ADAMTSL1: variants seen among roughly 807,000 people sequenced by gnomAD.
ADAMTSL1 encodes ADAMTS-like protein 1.
In ADAMTSL1, 126 loss-of-function variants were observed where a neutral mutation model predicts 201.8. The ratio of observed to expected loss-of-function variants is 0.62; its 90% confidence interval spans 0.54 to 0.72. The LOEUF (loss-of-function observed/expected upper bound fraction) is 0.72, where lower values mean the gene tolerates loss of function less well. Ranked by LOEUF, ADAMTSL1 falls within the 30% of genes least tolerant of loss-of-function variation. The pLI is 0.00. For missense variants in ADAMTSL1, 2,679 were observed against 2,277.8 expected, an observed-to-expected ratio of 1.18 and a Z score of -3.59; for synonymous variants, 1,121 against 903.4, an observed-to-expected ratio of 1.24 and a Z score of -4.32.
At chr9:18,305,241 C>T (rs1833865032) in intron 2 of ADAMTSL1, among the ~76,000 whole-genome samples, 1 of 152,230 alleles carries the variant, frequency 6.6e-6, no homozygotes. Flanking sequence ...GCTGCCTACG[C>T]CACCAGGGTC....
chr9:18,498,410 C>G (rs1156522419), intron 1 of ADAMTSL1, among the ~76,000 whole-genome samples: 1 of 149,010 alleles, frequency 6.7e-6, no homozygotes, highest in Non-Finnish European at 1.5e-5. Context: ...GATCTCAGCT[C>G]ACTGCAACCT....
intron 3 of ADAMTSL1, among the ~76,000 whole-genome samples, chr9:18,569,729 C>T (rs1343325343): frequency 1.3e-5 from 2 of 152,124 alleles, no homozygotes; most frequent in South Asian, 2.1e-4. Context: ...TTGTCTCCAT[C>T]AATGCTTTCT....
At chr9:18,899,404 A>G (rs1023813402) in intron 26 of ADAMTSL1, among the ~76,000 whole-genome samples, 62 of 152,368 alleles carry the variant, frequency 4.1e-4, no homozygotes, top group African/African-American at 1.5e-3. Context: ...TGCTATTCCC[A>G]TTAAACTACC....
rs540336517 is a variant in ADAMTSL1, at chr9:18,178,198, G to C, written c.207+14217G>C. Reference sequence around the variant, plus strand: ...TGTGCGCGAGCCGAAGCAGGGCGAGGCATTGCCTCACTTGGGAAGCACAAG... The same window carrying C: ...TGTGCGCGAGCCGAAGCAGGGCGAGCCATTGCCTCACTTGGGAAGCACAAG... On this transcript the variant is annotated intron_variant, in intron 2 of 29. Transcript: ENST00000680146. Among the ~76,000 whole-genome samples, 3 of 152,220 alleles carry C rather than the reference G, an allele frequency of 2.0e-5. No individual in the cohort carries two copies. In the South Asian group the frequency reaches 6.2e-4, roughly 32 times the overall value.
At position 18,400,443 on chromosome 9, in the gene ADAMTSL1, T is replaced by C. The variant is rs112989739; in HGVS notation, c.208-104386T>C. Among the ~76,000 whole-genome samples the C allele has an allele frequency of 4.2e-3, 634 of 152,290 alleles. 3 individuals carry two copies. The highest frequency in any genetic ancestry group is 0.015 in the African/African-American group (610 of 41,562). ...TAAATTTTGGGGATCATTATCAAAC[T>C]TGGAAGGCCTTTACTATGTTTCGTT... On this transcript the variant is annotated intron_variant, in intron 2 of 29. Coordinates refer to the ADAMTSL1 transcript ENST00000680146.
chr9:18,709,656 G>A (rs188991714), intron 14 of ADAMTSL1, among the ~76,000 whole-genome samples: 8 of 152,248 alleles, frequency 5.3e-5, no homozygotes, highest in African/African-American at 1.9e-4. Flanking sequence ...AAGATCGAAC[G>A]CAAGCCTAAC....
intron 2 of ADAMTSL1, among the ~76,000 whole-genome samples, chr9:18,374,410 T>G (rs557943861): frequency 2.0e-5 from 3 of 152,134 alleles, no homozygotes; most frequent in Non-Finnish European, 2.9e-5. Context: ...CACCACTGTC[T>G]GCAGCCTTAA....
intron 2 of ADAMTSL1, among the ~76,000 whole-genome samples, chr9:18,216,170 T>C (rs894384165): frequency 6.6e-6 from 1 of 152,186 alleles, no homozygotes; most frequent in Non-Finnish European, 1.5e-5. Flanking sequence ...ATAATAAAAT[T>C]ACTAGGCTTG....
intron 3 of ADAMTSL1, among the ~76,000 whole-genome samples, chr9:18,535,643 G>A (rs772666628): frequency 4.6e-5 from 7 of 152,216 alleles, no homozygotes; most frequent in South Asian, 4.2e-4. Context: ...TGGGTAATTT[G>A]GAAAAAAGAG....
intron 1 of ADAMTSL1, among the ~76,000 whole-genome samples, chr9:18,102,322 A>G (rs559960925): frequency 1.3e-5 from 2 of 152,210 alleles, no homozygotes; most frequent in Non-Finnish European, 2.9e-5. Context: ...TGTGCTTAAT[A>G]TAAAAGTCTG....
chr9:18,782,060 T>C (rs969110398), intron 19 of ADAMTSL1, among the ~76,000 whole-genome samples: 1 of 152,164 alleles, frequency 6.6e-6, no homozygotes, highest in African/African-American at 2.4e-5. Context: ...GACTGGCTGG[T>C]TCATCATAAT....
chr9:18,321,792 C>A (rs10810956), intron 2 of ADAMTSL1, among the ~76,000 whole-genome samples: 2 of 151,752 alleles, frequency 1.3e-5, no homozygotes, highest in Admixed American at 6.6e-5. Flanking sequence ...GACTCCATGT[C>A]AAAAAAACCA....
chr9:18,856,064 A>T (rs138595325), intron 23 of ADAMTSL1, among the ~76,000 whole-genome samples: 2 of 152,310 alleles, frequency 1.3e-5, no homozygotes, highest in East Asian at 3.9e-4. Flanking sequence ...TCTTACTGAA[A>T]GGCATGTTCA....
intron 1 of ADAMTSL1, among the ~76,000 whole-genome samples, chr9:18,475,950 T>G (rs186853171): frequency 6.6e-6 from 1 of 152,310 alleles, no homozygotes; most frequent in Admixed American, 6.5e-5. Flanking sequence ...AATATTCATA[T>G]ATGTATTAGA....
intron 22 of ADAMTSL1, among the ~76,000 whole-genome samples, chr9:18,828,660 T>TTATATATATATATATATATA (rs1554643931): frequency 1.1e-4 from 3 of 28,528 alleles, no homozygotes; most frequent in Non-Finnish European, 1.5e-4. Flanking sequence ...GAAAGTATAT[T>TTATATATATATATATATATA]TATATATATA....
chr9:18,733,304 C>G (rs1818319301), intron 15 of ADAMTSL1, among the ~76,000 whole-genome samples: 1 of 152,176 alleles, frequency 6.6e-6, no homozygotes, highest in Non-Finnish European at 1.5e-5. Flanking sequence ...AAAAGTAGGA[C>G]TAGGCTCTTG....
intron 2 of ADAMTSL1, among the ~76,000 whole-genome samples, chr9:18,298,984 C>G (rs71506867): frequency 0.086 from 12,920 of 149,904 alleles, 797 homozygotes; most frequent in Non-Finnish European, 0.13. Flanking sequence ...TGCACTCCAG[C>G]CTGGGCGACA....
At chr9:18,809,516 A>G (rs1172428768) in intron 20 of ADAMTSL1, among the ~76,000 whole-genome samples, 2 of 152,208 alleles carry the variant, frequency 1.3e-5, no homozygotes, top group Admixed American at 1.3e-4. Context: ...GAGGCCGGGC[A>G]TGGTGGCTCA....
intron 1 of ADAMTSL1, among the ~76,000 whole-genome samples, chr9:17,943,784 A>T (rs1311155141): frequency 2.0e-5 from 3 of 152,060 alleles, no homozygotes; most frequent in Admixed American, 6.6e-5. Context: ...GGTAATTTAT[A>T]AAAAAAGAGG....
Sources: gnomAD v4.1 joint callset for allele counts (sites outside exome capture counted in the v4.1 genomes callset) on GRCh38, gnomAD v4.1.1 for gene constraint, MANE v1.5 for transcripts, NCBI Gene and HGNC (gene_info 2026-07-23, HGNC 2026-07-21) for gene names.